GLIPR1L1: variants seen among roughly 807,000 people sequenced by gnomAD.
GLIPR1L1 encodes the protein GLIPR1 like 1.
GLIPR1L1 carries 26 observed loss-of-function variants against 29.9 expected under a neutral mutation model. That is an observed-to-expected ratio of 0.87 (90% CI 0.64 to 1.21). GLIPR1L1 has a LOEUF of 1.21. GLIPR1L1 is among the 50% of genes most tolerant of loss of function. The pLI is 0.00. For missense variants in GLIPR1L1, 305 were observed against 290.3 expected (o/e 1.05, Z -0.37); for synonymous variants, 77 against 97.5 (o/e 0.79, Z 1.24).
intron 3 of GLIPR1L1, among the ~76,000 whole-genome samples, chr12:75,353,911 T>C (rs2042973908): frequency 6.6e-6 from 1 of 152,164 alleles, no homozygotes; most frequent in Non-Finnish European, 1.5e-5. Context: ...TCTCAATAGA[T>C]GCCAAAAGGC....
chr12:75,370,477 A>C lies in GLIPR1L1; in HGVS notation c.*301A>C, dbSNP rs1331598095. On this transcript the variant is annotated 3_prime_UTR_variant, in exon 6 of 6. Transcript: ENST00000378695. ...TAGTTATAGTACATTTAGAGAACTAAAGACTTTTCACATATCAAATAGTTT... is the reference window on the plus strand; with the variant it reads ...TAGTTATAGTACATTTAGAGAACTACAGACTTTTCACATATCAAATAGTTT... 5.0e-6 allele frequency: 1 copy of C among 199,726 alleles called. No individual in the cohort carries two copies. The highest frequency in any genetic ancestry group is 2.3e-5 in the African/African-American group (1 of 43,234). The allele number at this position is 199,726 out of a possible 1,614,324, so 12.4% of individuals were successfully genotyped here.
At chr12:75,342,825 T>G (rs2042205651) in intron 1 of GLIPR1L1, among the ~76,000 whole-genome samples, 1 of 152,118 alleles carries the variant, frequency 6.6e-6, no homozygotes, top group South Asian at 2.1e-4. Flanking sequence ...CTCCATTTAT[T>G]TAAGTCTTTT....
intron 5 of GLIPR1L1, 32 bp downstream of exon 5, chr12:75,370,018 A>T: frequency 8.3e-7 from 1 of 1,211,806 alleles, no homozygotes; most frequent in East Asian, 2.4e-5. Context: ...TATTAATTAA[A>T]TTATTTCCTC....
chr12:75,349,119 A>AT (rs1181183533), intron 3 of GLIPR1L1, among the ~76,000 whole-genome samples: 1 of 152,178 alleles, frequency 6.6e-6, no homozygotes, highest in Non-Finnish European at 1.5e-5. Context: ...TAGAGTATTG[A>AT]TTAACACATG....
intron 1 of GLIPR1L1, among the ~76,000 whole-genome samples, chr12:75,343,230 G>A (rs1373033340): frequency 6.6e-6 from 1 of 151,972 alleles, no homozygotes; most frequent in African/African-American, 2.4e-5. Context: ...GAAAGTTTTA[G>A]TATTTCACCA....
intron 4 of GLIPR1L1, chr12:75,365,020 G>A (rs1472525629): frequency 6.6e-6 from 1 of 152,118 alleles, no homozygotes; most frequent in Non-Finnish European, 1.5e-5. Flanking sequence ...TTAGGCATCT[G>A]TGTACCCATC....
intron 4 of GLIPR1L1, chr12:75,369,443 G>A: frequency 2.4e-6 from 2 of 837,700 alleles, no homozygotes; most frequent in South Asian, 5.5e-5. Context: ...GTAGTAGAAG[G>A]TCAAAAAAAT....
intron 3 of GLIPR1L1, among the ~76,000 whole-genome samples, chr12:75,352,016 TG>T (rs1391956907): frequency 6.6e-6 from 1 of 151,946 alleles, no homozygotes; most frequent in Non-Finnish European, 1.5e-5. Flanking sequence ...GCACTAAATA[TG>T]GAAAGGAAAA....
chr12:75,337,690 C>T (rs1040000005), intron 1 of GLIPR1L1, among the ~76,000 whole-genome samples: 14 of 151,922 alleles, frequency 9.2e-5, no homozygotes, highest in Non-Finnish European at 1.8e-4. Flanking sequence ...TATATGCGTG[C>T]CATGTTATTT....
At chr12:75,369,081 C>T (rs988272087) in intron 4 of GLIPR1L1, among the ~76,000 whole-genome samples, 11 of 151,744 alleles carry the variant, frequency 7.2e-5, no homozygotes, top group South Asian at 2.1e-4. Context: ...TTGAGAGATA[C>T]GCAATATAGC....
chr12:75,350,420 A>G (rs2042728951), intron 3 of GLIPR1L1, among the ~76,000 whole-genome samples: 1 of 152,170 alleles, frequency 6.6e-6, no homozygotes, highest in Non-Finnish European at 1.5e-5. Flanking sequence ...AGGGGTCTCC[A>G]GGCACTGCAT....
chr12:75,345,534 G>C (rs1435349082), intron 2 of GLIPR1L1, among the ~76,000 whole-genome samples: 1 of 152,120 alleles, frequency 6.6e-6, no homozygotes, highest in Non-Finnish European at 1.5e-5. Flanking sequence ...AAAGCAACTT[G>C]TTCTTATCAG....
chr12:75,366,438 G>T (rs2043967377), intron 4 of GLIPR1L1, among the ~76,000 whole-genome samples: 1 of 152,108 alleles, frequency 6.6e-6, no homozygotes, highest in South Asian at 2.1e-4. Flanking sequence ...TTTGGGCTAT[G>T]AATTTTTCTT....
chr12:75,358,971 A>C (rs75009372), intron 3 of GLIPR1L1, among the ~76,000 whole-genome samples: 7,990 of 144,708 alleles, frequency 0.055, 365 homozygotes, highest in African/African-American at 0.12. Context: ...CTGCATAAAA[A>C]AGATAGAACA....
At chr12:75,344,638 C>T (rs182955186) in intron 2 of GLIPR1L1, among the ~76,000 whole-genome samples, 2 of 152,044 alleles carry the variant, frequency 1.3e-5, no homozygotes, top group Admixed American at 1.3e-4. Flanking sequence ...CATTATGAAT[C>T]GAATTTTCTT....
intron 1 of GLIPR1L1, among the ~76,000 whole-genome samples, chr12:75,338,079 G>C (rs975836202): frequency 7.2e-5 from 11 of 152,002 alleles, no homozygotes; most frequent in Non-Finnish European, 1.6e-4. Flanking sequence ...ATCTCTTTGT[G>C]AAACTGAAAG....
chr12:75,359,084 C>T (rs2043367686), intron 3 of GLIPR1L1, among the ~76,000 whole-genome samples: 1 of 150,304 alleles, frequency 6.7e-6, no homozygotes, highest in South Asian at 2.1e-4. Flanking sequence ...CAAAACTCAT[C>T]TAAAACAAAT....
At chr12:75,339,600 A>C (rs4491265) in intron 1 of GLIPR1L1, among the ~76,000 whole-genome samples, 61,885 of 151,736 alleles carry the variant, frequency 0.41, 12,886 homozygotes, top group South Asian at 0.55. Flanking sequence ...ATTAGATACC[A>C]TTTGTCCATT....
At chr12:75,342,048 T>C (rs2042159469) in intron 1 of GLIPR1L1, among the ~76,000 whole-genome samples, 1 of 152,122 alleles carries the variant, frequency 6.6e-6, no homozygotes, top group South Asian at 2.1e-4. Context: ...TGGCCACCTA[T>C]TTATACAACA....
Sources: allele counts gnomAD v4.1 joint callset (sites outside exome capture counted in the v4.1 genomes callset), GRCh38; gene constraint gnomAD v4.1.1; transcripts MANE v1.5; gene names NCBI Gene and HGNC (gene_info 2026-07-23, HGNC 2026-07-21).